The following DCAF10 variants were observed in gnomAD, a reference collection of about 807,000 sequenced individuals.
The protein encoded by DCAF10 is DDB1- and CUL4-associated factor 10.
Under a neutral mutation model 51.9 loss-of-function variants are expected in DCAF10, and 19 were observed. That is an observed-to-expected ratio of 0.37 (90% CI 0.26 to 0.54). DCAF10 has a LOEUF of 0.54. Ranked by LOEUF, DCAF10 falls within the 20% of genes least tolerant of loss-of-function variation. The probability of loss-of-function intolerance (pLI) is 0.87; values close to 1 mark genes in which losing one functional copy is unlikely to be tolerated. For synonymous variants in DCAF10, 291 were observed against 297.1 expected, an observed-to-expected ratio of 0.98 and a Z score of 0.21; for missense variants, 510 against 730.6, an observed-to-expected ratio of 0.70 and a Z score of 3.48.
intron 2 of DCAF10, among the ~76,000 whole-genome samples, chr9:37,820,934 C>A (rs1159280661): frequency 7.9e-5 from 12 of 151,976 alleles, no homozygotes; most frequent in Admixed American, 7.9e-4. Context: ...GTAATAGATG[C>A]ATGTAGTACA....
chr9:37,804,535 C>A (rs1029091917), intron 1 of DCAF10, among the ~76,000 whole-genome samples: 1 of 151,878 alleles, frequency 6.6e-6, no homozygotes, highest in Non-Finnish European at 1.5e-5. Flanking sequence ...CCAGCACTTT[C>A]GGAGGCTGAG....
At chr9:37,832,573 G>A (rs1364235085) in intron 2 of DCAF10, among the ~76,000 whole-genome samples, 1 of 152,172 alleles carries the variant, frequency 6.6e-6, no homozygotes, top group Non-Finnish European at 1.5e-5. Flanking sequence ...TAATGCAAAT[G>A]TAGTGCTGTG....
intron 1 of DCAF10, among the ~76,000 whole-genome samples, chr9:37,805,456 C>T (rs1829085657): frequency 6.6e-6 from 1 of 152,122 alleles, no homozygotes; most frequent in African/African-American, 2.4e-5. Flanking sequence ...TGCACTCCAG[C>T]CTGGGTGACA....
At chr9:37,805,814 G>C (rs1829097586) in intron 1 of DCAF10, among the ~76,000 whole-genome samples, 1 of 152,246 alleles carries the variant, frequency 6.6e-6, no homozygotes, top group African/African-American at 2.4e-5. Context: ...GCTTGGCGCA[G>C]TGGCTCACGC....
upstream of DCAF10, chr9:37,800,694 A>G (rs1211136098): frequency 2.0e-6 from 3 of 1,535,738 alleles, no homozygotes; most frequent in Admixed American, 2.0e-5. Context: ...CGGCGCCCCA[A>G]ACCCGGCGGT....
intron 4 of DCAF10, among the ~76,000 whole-genome samples, chr9:37,855,544 A>G (rs1830821409): frequency 6.6e-6 from 1 of 152,182 alleles, no homozygotes; most frequent in African/African-American, 2.4e-5. Context: ...TACGTATTGT[A>G]TTTTATCAAC....
chr9:37,800,743 G>T (rs977721154), upstream of DCAF10: 25 of 1,533,858 alleles, frequency 1.6e-5, no homozygotes, highest in Middle Eastern at 1.7e-4. Flanking sequence ...GGTGGCCGAG[G>T]GGCGGCGCGG....
At chr9:37,826,398 G>T (rs560680960) in intron 2 of DCAF10, among the ~76,000 whole-genome samples, 27 of 152,318 alleles carry the variant, frequency 1.8e-4, no homozygotes, top group African/African-American at 5.8e-4. Flanking sequence ...GCCAAATGTT[G>T]GCATAGATGG....
intron 2 of DCAF10, among the ~76,000 whole-genome samples, chr9:37,825,169 G>C (rs1829814404): frequency 6.6e-6 from 1 of 152,164 alleles, no homozygotes; most frequent in Admixed American, 6.5e-5. Context: ...CAGCCATTGT[G>C]GAAAATAGTG....
At chr9:37,819,174 T>C (rs1829632457) in intron 1 of DCAF10, 114 bp from the exon 2 acceptor site, 10 of 721,300 alleles carry the variant, frequency 1.4e-5, no homozygotes. Context: ...GCTACTAACA[T>C]GGGCAAAAAA....
chr9:37,835,965 A>G (rs1830151490), intron 2 of DCAF10: 1 of 977,728 alleles, frequency 1.0e-6, no homozygotes, highest in Non-Finnish European at 1.7e-6. Context: ...TATTGCCCTT[A>G]GAACTGTTTA....
chr9:37,805,473 G>C (rs1413870388), intron 1 of DCAF10, among the ~76,000 whole-genome samples: 3 of 151,940 alleles, frequency 2.0e-5, no homozygotes, highest in African/African-American at 4.8e-5. Flanking sequence ...GACAGAGTGA[G>C]ACTCCATCTC....
At chr9:37,840,547 C>T (rs1220135097) in intron 2 of DCAF10, among the ~76,000 whole-genome samples, 1 of 152,070 alleles carries the variant, frequency 6.6e-6, no homozygotes, top group African/African-American at 2.4e-5. Flanking sequence ...TATTTTTGTA[C>T]AGTTGTACAA....
chr9:37,852,123 AAG>A (rs1183768522), intron 3 of DCAF10, among the ~76,000 whole-genome samples: 1 of 152,182 alleles, frequency 6.6e-6, no homozygotes, highest in East Asian at 1.9e-4. Context: ...CAGTACTCTA[AAG>A]ACAGAGAGAA....
In DCAF10 at chr9:37,805,196, G is replaced by A. The variant is rs35636110; in HGVS notation, c.539+3791G>A. The stretch of plus-strand genomic sequence containing the variant: ...ACAATAATAGCATATAAATTATGAA[G>A]TGAGGCCGGGTGTGGTGGTTTATGC... On this transcript the variant is annotated intron_variant, in intron 1 of 6. Coordinates refer to ENST00000377724, the MANE Select transcript of DCAF10 (RefSeq NM_024345.5). Among the ~76,000 whole-genome samples the A allele has an allele frequency of 9.7e-3, 1,481 of 152,212 alleles. 11 individuals carry two copies. Among genetic ancestry groups the A allele is most frequent in the Middle Eastern group, 0.051 (15 of 294 alleles).
chr9:37,861,281 C>T lies in DCAF10; in HGVS notation c.1453C>T (p.Arg485Ter). ...AGAACTTTGCTTCAGCCCCGATGGA[C>T]GAATGATTTCTTCCCCACATGGCTA... ...IKELCFSPDG[R>*]MISSPHGYGI... The change falls in exon 7 of 7, where the codon CGA (arginine) becomes TGA (stop). Residue 485 changes from arginine to a stop codon, truncating the protein, a stop_gained. Transcript: ENST00000377724. LOFTEE classifies it high-confidence loss of function. The surrounding 1 kb of genome is among the most constrained non-coding windows in gnomAD (Gnocchi z 4.9). The T allele has an allele frequency of 1.9e-6, 3 of 1,614,164 alleles. No individual in the cohort carries two copies. The highest frequency in any genetic ancestry group is 1.7e-5 in the Admixed American group (1 of 60,024).
intron 2 of DCAF10, among the ~76,000 whole-genome samples, chr9:37,825,028 T>C (rs895541540): frequency 6.6e-5 from 10 of 152,082 alleles, no homozygotes; most frequent in Non-Finnish European, 1.3e-4. Flanking sequence ...CAGATAAAAA[T>C]TAGGCAGTAG....
At chr9:37,821,369 A>G (rs1335751467) in intron 2 of DCAF10, among the ~76,000 whole-genome samples, 1 of 152,178 alleles carries the variant, frequency 6.6e-6, no homozygotes, top group Admixed American at 6.5e-5. Context: ...AATTAAAGAG[A>G]GCTTAAAAAC....
chr9:37,842,879 T>G (rs1160820416), intron 3 of DCAF10, among the ~76,000 whole-genome samples: 1 of 152,226 alleles, frequency 6.6e-6, no homozygotes. Flanking sequence ...TTGTGCAACA[T>G]TCCAACAAAA....
Sources: allele counts gnomAD v4.1 joint callset (sites outside exome capture counted in the v4.1 genomes callset), GRCh38; gene constraint gnomAD v4.1.1; non-coding constraint Gnocchi (gnomAD v3.1); transcripts MANE v1.5; gene names NCBI Gene and HGNC (gene_info 2026-07-23, HGNC 2026-07-21).